Variants in AHI1 observed in about 807,000 individuals in gnomAD.
The protein encoded by AHI1 is Abelson helper integration site 1, also known as jouberin.
AHI1 carries 123 observed loss-of-function variants against 149.3 expected under a neutral mutation model. That is an observed-to-expected ratio of 0.82 (90% CI 0.71 to 0.96). The LOEUF is 0.96. AHI1 is among the 40% of genes least tolerant of loss of function. The pLI is 0.00. For synonymous variants in AHI1, 475 were observed against 459.8 expected, an observed-to-expected ratio of 1.03 and a Z score of -0.42; for missense variants, 1,439 against 1,422.7, an observed-to-expected ratio of 1.01 and a Z score of -0.18.
chr6:135,413,530 G>C (rs1184106038), intron 20 of AHI1, among the ~76,000 whole-genome samples: 1 of 151,880 alleles, frequency 6.6e-6, no homozygotes, highest in Non-Finnish European at 1.5e-5. Flanking sequence ...GAGCTAAAGT[G>C]GAGTAAGGCA....
rs1223810011 is a variant in AHI1 at position 135,428,623 on chromosome 6, A to G, written c.2623+6T>C. On this transcript the variant is annotated splice_donor_region_variant and intron_variant, in intron 19 of 28. Transcript: ENST00000265602. ...AAATGATTTTTAAAGTTCAATAAAC[A>G]TTCACCTGTTTCTGGGTTCCAAACA... is the stretch of plus-strand genomic sequence containing the variant. 1 of 1,596,376 alleles carries G rather than the reference A, an allele frequency of 6.3e-7. No individual in the cohort carries two copies. The highest frequency in any genetic ancestry group is 1.3e-5 in the African/African-American group (1 of 74,272).
At chr6:135,345,293 A>G (rs1791026455) in intron 24 of AHI1, among the ~76,000 whole-genome samples, 1 of 152,232 alleles carries the variant, frequency 6.6e-6, no homozygotes. Context: ...CAGAGTTACC[A>G]TATGATGCGG....
At chr6:135,432,096 CAG>C (rs1784747445) in intron 16 of AHI1, among the ~76,000 whole-genome samples, 2 of 150,570 alleles carry the variant, frequency 1.3e-5, no homozygotes, top group South Asian at 4.2e-4. Context: ...GCTATTATGA[CAG>C]AGTTAGTTTT....
At chr6:135,324,066 T>C (rs1489253992) in intron 24 of AHI1, among the ~76,000 whole-genome samples, 1 of 152,194 alleles carries the variant, frequency 6.6e-6, no homozygotes, top group Non-Finnish European at 1.5e-5. Flanking sequence ...ATGCCTGTAG[T>C]CTCAGCACTT....
chr6:135,358,083 T>C, intron 24 of AHI1, 49 bp downstream of exon 24: 2 of 1,548,632 alleles, frequency 1.3e-6, no homozygotes, highest in Non-Finnish European at 1.8e-6. Context: ...ACCAGTATAA[T>C]TTTGTACTTT....
At chr6:135,387,652 A>C in intron 23 of AHI1, 4 of 500,930 alleles carry the variant, frequency 8.0e-6, no homozygotes, top group Non-Finnish European at 1.1e-5. Flanking sequence ...TGTCTCTTTG[A>C]CATGTTCCTT....
At chr6:135,457,275 T>C (rs1289656672) in intron 9 of AHI1, among the ~76,000 whole-genome samples, 1 of 152,150 alleles carries the variant, frequency 6.6e-6, no homozygotes, top group Admixed American at 6.5e-5. Context: ...AAAGCGAGAC[T>C]CCATCTCGGA....
chr6:135,421,304 A>G (rs1783117804), intron 20 of AHI1, among the ~76,000 whole-genome samples: 1 of 152,300 alleles, frequency 6.6e-6, no homozygotes, highest in South Asian at 2.1e-4. Flanking sequence ...TGGCGCCCAC[A>G]GACTGGCTTA....
Position 135,447,137 on chromosome 6 carries a change from C to A in AHI1, c.1650G>T (p.Met550Ile). 1 of 1,591,174 alleles carries A rather than the reference C, an allele frequency of 6.3e-7. No individual in the cohort carries two copies. ...TACCTTTTTCCTCCTGAAGAGCCATCATAGAGCGGTAAGATGGCTTTATCT... is the reference window on the plus strand; with the variant it reads ...TACCTTTTTCCTCCTGAAGAGCCATAATAGAGCGGTAAGATGGCTTTATCT... ...PDCIKPSYRS[M>I]MALQEEKGKP... Residue 550 changes from methionine (M) to isoleucine (I), a missense_variant, in exon 13 of 29, where the codon ATG (methionine) becomes ATT (isoleucine). Met to Ile is a conservative substitution (Grantham distance 10, BLOSUM62 1). Transcript: ENST00000265602.
intron 24 of AHI1, among the ~76,000 whole-genome samples, chr6:135,354,457 G>A (rs543794379): frequency 1.3e-5 from 2 of 152,234 alleles, no homozygotes; most frequent in Admixed American, 6.5e-5. Context: ...CCAAGCATAT[G>A]ACTGTACACT....
intron 11 of AHI1, among the ~76,000 whole-genome samples, chr6:135,450,384 T>C (rs1439624681): frequency 6.6e-6 from 1 of 152,158 alleles, no homozygotes; most frequent in Non-Finnish European, 1.5e-5. Context: ...AGTTAAGGAA[T>C]GATGCATCAA....
intron 23 of AHI1, among the ~76,000 whole-genome samples, chr6:135,365,679 C>T (rs576616106): frequency 6.6e-6 from 1 of 152,166 alleles, no homozygotes; most frequent in Non-Finnish European, 1.5e-5. Flanking sequence ...AGAAACTCTA[C>T]TGAATTAATT....
At chr6:135,429,454 C>T (rs970772245) in intron 18 of AHI1, among the ~76,000 whole-genome samples, 2 of 151,564 alleles carry the variant, frequency 1.3e-5, no homozygotes, top group Non-Finnish European at 3.0e-5. Flanking sequence ...AACAAAAAAA[C>T]AAGGACATAT....
At chr6:135,351,845 A>G (rs978483770) in intron 24 of AHI1, among the ~76,000 whole-genome samples, 1 of 152,172 alleles carries the variant, frequency 6.6e-6, no homozygotes, top group African/African-American at 2.4e-5. Context: ...AGCTTTTTCT[A>G]AAGACTGGAC....
At chr6:135,477,893 G>A (rs984120435) in intron 5 of AHI1, among the ~76,000 whole-genome samples, 3 of 152,152 alleles carry the variant, frequency 2.0e-5, no homozygotes, top group Non-Finnish European at 4.4e-5. Flanking sequence ...TGCCTCCCAG[G>A]TTCAAGTTGT....
chr6:135,441,075 A>G (rs531647537), intron 14 of AHI1, among the ~76,000 whole-genome samples: 52 of 152,204 alleles, frequency 3.4e-4, no homozygotes, highest in African/African-American at 1.2e-3. Context: ...AACTATATCT[A>G]AAGAATTAAA....
intron 4 of AHI1, among the ~76,000 whole-genome samples, chr6:135,491,476 C>T (rs778132905): frequency 1.3e-5 from 2 of 152,162 alleles, no homozygotes; most frequent in Non-Finnish European, 2.9e-5. Context: ...TTAAATGCTG[C>T]CTGTAAATAA....
At chr6:135,482,470 T>G (rs910011055) in intron 5 of AHI1, among the ~76,000 whole-genome samples, 1 of 138,660 alleles carries the variant, frequency 7.2e-6, no homozygotes, top group Non-Finnish European at 1.5e-5. Flanking sequence ...CCCACCACTG[T>G]TTTTTTTTTT....
rs182685801 is a variant in AHI1 at position 135,389,859 on chromosome 6, C to G, written c.3109+4917G>C. Among the ~76,000 whole-genome samples, 414 of 152,300 alleles carry G rather than the reference C, an allele frequency of 2.7e-3. 2 individuals carry two copies. The highest frequency in any genetic ancestry group is 9.7e-3 in the African/African-American group (402 of 41,566). On this transcript the variant is annotated intron_variant, in intron 23 of 28. Coordinates refer to ENST00000265602, the MANE Select transcript of AHI1 (RefSeq NM_001134831.2). ...CTTCCTGCTAATTTCTCTCCCCTAC[C>G]TACCCATAACAGTGATTTTTATTAC...
Sources: gnomAD v4.1 joint callset for allele counts (sites outside exome capture counted in the v4.1 genomes callset) on GRCh38, gnomAD v4.1.1 for gene constraint, MANE v1.5 for transcripts, NCBI Gene and HGNC (gene_info 2026-07-23, HGNC 2026-07-21) for gene names.